Variants in CDH8 observed in about 807,000 individuals in gnomAD.
The protein encoded by CDH8 is cadherin-8.
Under a neutral mutation model 68.1 loss-of-function variants are expected in CDH8, and 17 were observed. That is an observed-to-expected ratio of 0.25 (90% CI 0.17 to 0.37). The LOEUF (loss-of-function observed/expected upper bound fraction) is 0.37. Ranked by LOEUF, CDH8 falls within the 10% of genes least tolerant of loss-of-function variation. The pLI is 1.00. For missense variants in CDH8, 763 were observed against 999.3 expected (o/e 0.76, Z 3.19); for synonymous variants, 372 against 365.1 (o/e 1.02, Z -0.21).
At chr16:61,807,447 G>C (rs574515739) in intron 7 of CDH8, among the ~76,000 whole-genome samples, 62 of 151,724 alleles carry the variant, frequency 4.1e-4, no homozygotes, top group African/African-American at 1.5e-3. Context: ...TGCACAATGT[G>C]CACATGTACC....
chr16:61,675,888 TTAA>T (rs1331155260), intron 10 of CDH8, among the ~76,000 whole-genome samples: 7 of 151,042 alleles, frequency 4.6e-5, no homozygotes, highest in African/African-American at 4.8e-5. Context: ...AATGACAATA[TTAA>T]TAATAATAAA....
In CDH8 at chr16:61,684,669, A is replaced by G. The variant is rs113311653; in HGVS notation, c.1655-28948T>C. The stretch of plus-strand genomic sequence containing the variant: ...ATTCAGAATCATTTTTTGGCCGTCC[A>G]GTGCTCTGCGCTGTACTGCAGGAGG... On this transcript the variant is annotated intron_variant, in intron 10 of 11. Coordinates refer to ENST00000577390, the MANE Select transcript of CDH8 (RefSeq NM_001796.5). Among the ~76,000 whole-genome samples the G allele has an allele frequency of 7.0e-4, 106 of 152,108 alleles. 2 individuals carry two copies. The highest frequency in any genetic ancestry group is 2.5e-3 in the African/African-American group (102 of 41,532).
intron 10 of CDH8, among the ~76,000 whole-genome samples, chr16:61,699,765 G>C (rs949463958): frequency 1.7e-4 from 26 of 151,968 alleles, no homozygotes; most frequent in African/African-American, 5.8e-4. Context: ...AGCAGAGATG[G>C]GGGTTTCACC....
At chr16:62,031,172 A>G (rs924708908) in intron 1 of CDH8, among the ~76,000 whole-genome samples, 4 of 152,318 alleles carry the variant, frequency 2.6e-5, no homozygotes, top group African/African-American at 9.6e-5. Context: ...TCTTGGAGGC[A>G]TTCTCATTTT....
At chr16:61,754,201 C>A (rs1416100917) in intron 8 of CDH8, among the ~76,000 whole-genome samples, 3 of 152,060 alleles carry the variant, frequency 2.0e-5, no homozygotes, top group Non-Finnish European at 2.9e-5. Context: ...AGATACAAGA[C>A]ATGTTACACA....
intron 7 of CDH8, among the ~76,000 whole-genome samples, chr16:61,798,790 G>A (rs768547285): frequency 6.6e-6 from 1 of 152,188 alleles, no homozygotes; most frequent in African/African-American, 2.4e-5. Context: ...CCTATAGTAT[G>A]TTTGTAACAT....
Position 61,653,303 on chromosome 16 carries a change from C to A in CDH8, c.*305G>T, listed in dbSNP as rs1055087410. On this transcript the variant is annotated 3_prime_UTR_variant, in exon 12 of 12. Transcript: ENST00000577390. ...TTATGATTTTTTCCTCTATTTAAAC[C>A]ATTTATCTAAGGATTAGCCAGGATC... is the stretch of plus-strand genomic sequence containing the variant. 2 of 1,187,498 alleles carry A rather than the reference C, an allele frequency of 1.7e-6. No homozygotes were observed. The highest frequency in any genetic ancestry group is 2.1e-6 in the Non-Finnish European group (2 of 962,090). 73.6% of individuals were successfully genotyped at this position (1,187,498 alleles called of 1,614,324 possible).
In CDH8 at chr16:61,654,064, T is replaced by C; in HGVS notation, c.1944A>G (p.Lys648=). ...VVLFVTLRRH[K]NEPLIIKDDE... ...CATCTTTGATAATTAATGGTTCATT[T>C]TTATGCCGCCGTAGAGTTACAAACA... is the stretch of plus-strand genomic sequence containing the variant. Residue 648 remains lysine (K), a synonymous_variant, in exon 12 of 12, where the codon AAA becomes AAG. Coordinates refer to ENST00000577390, the MANE Select transcript of CDH8 (RefSeq NM_001796.5). 6.2e-7 allele frequency: 1 copy of C among 1,614,178 alleles called. No individual in the cohort carries two copies. The highest frequency in any genetic ancestry group is 1.3e-5 in the African/African-American group (1 of 75,042).
At chr16:61,899,483 G>A (rs1429032280) in intron 3 of CDH8, among the ~76,000 whole-genome samples, 1 of 151,990 alleles carries the variant, frequency 6.6e-6, no homozygotes, top group African/African-American at 2.4e-5. Flanking sequence ...GAGGGAAGGA[G>A]AGAGAAAAGG....
chr16:61,792,417 T>G (rs940333950), intron 7 of CDH8, among the ~76,000 whole-genome samples: 1 of 151,944 alleles, frequency 6.6e-6, no homozygotes, highest in African/African-American at 2.4e-5. Context: ...TTCACACATT[T>G]TATTGCCTAG....
intron 6 of CDH8, chr16:61,817,982 A>C (rs1962119990): frequency 2.7e-6 from 1 of 376,114 alleles, no homozygotes; most frequent in African/African-American, 2.1e-5. Context: ...GGAATTCACA[A>C]AATATTCACA....
chr16:61,838,651 A>G (rs1179863146), intron 4 of CDH8, among the ~76,000 whole-genome samples: 4 of 152,132 alleles, frequency 2.6e-5, no homozygotes, highest in African/African-American at 4.8e-5. Context: ...ACTTGCAGCC[A>G]TTACTAGCAT....
intron 2 of CDH8, among the ~76,000 whole-genome samples, chr16:61,959,724 A>ATG (rs1469484792): frequency 6.6e-6 from 1 of 150,418 alleles, no homozygotes; most frequent in Non-Finnish European, 1.5e-5. Context: ...ACACATATAT[A>ATG]TACACACACA....
chr16:61,882,715 C>T (rs2143139338), intron 3 of CDH8, among the ~76,000 whole-genome samples: 1 of 152,100 alleles, frequency 6.6e-6, no homozygotes, highest in African/African-American at 2.4e-5. Context: ...ACACTGGGGC[C>T]TATTGGAGGG....
chr16:61,971,401 C>A (rs943060749), intron 2 of CDH8, among the ~76,000 whole-genome samples: 1 of 152,072 alleles, frequency 6.6e-6, no homozygotes, highest in Admixed American at 6.5e-5. Flanking sequence ...GAGCAGCTCA[C>A]AGAACTCCAG....
intron 5 of CDH8, 123 bp from the exon 6 acceptor site, chr16:61,821,236 G>A (rs1216285739): frequency 1.7e-6 from 1 of 597,212 alleles, no homozygotes; most frequent in Non-Finnish European, 2.8e-6. Flanking sequence ...CCAATAAAGT[G>A]ATAGAAAAGA....
chr16:61,691,247 G>A (rs1165950319), intron 10 of CDH8, among the ~76,000 whole-genome samples: 1 of 151,970 alleles, frequency 6.6e-6, no homozygotes, highest in African/African-American at 2.4e-5. Context: ...CTACTCTCAA[G>A]GCTTCTACTA....
At chr16:61,735,152 T>C (rs1317917560) in intron 8 of CDH8, among the ~76,000 whole-genome samples, 1 of 152,108 alleles carries the variant, frequency 6.6e-6, no homozygotes, top group Non-Finnish European at 1.5e-5. Flanking sequence ...CTAGGTGATC[T>C]AGAATAATCC....
intron 2 of CDH8, among the ~76,000 whole-genome samples, chr16:61,924,826 ATAAAG>A (rs960708613): frequency 1.3e-5 from 2 of 152,116 alleles, no homozygotes; most frequent in African/African-American, 4.8e-5. Flanking sequence ...AACGGTTTAA[ATAAAG>A]AGCTGTTAAT....
Sources: gnomAD v4.1 joint callset for allele counts (sites outside exome capture counted in the v4.1 genomes callset) on GRCh38, gnomAD v4.1.1 for gene constraint, MANE v1.5 for transcripts, NCBI Gene and HGNC (gene_info 2026-07-23, HGNC 2026-07-21) for gene names.